Variants in ARHGEF10L observed in about 807,000 individuals in gnomAD.
ARHGEF10L encodes Rho guanine nucleotide exchange factor 10 like, also known as rho guanine nucleotide exchange factor 10-like protein.
Under a neutral mutation model 141.2 loss-of-function variants are expected in ARHGEF10L, and 69 were observed. The observed-to-expected ratio is 0.49, with a 90% CI of 0.40 to 0.60. The LOEUF is 0.60. Ranked by LOEUF, ARHGEF10L falls within the 20% of genes least tolerant of loss-of-function variation. The pLI is 0.00. For missense variants in ARHGEF10L, 1,482 were observed against 1,734.3 expected (o/e 0.85, Z 2.58); for synonymous variants, 711 against 718.5 (o/e 0.99, Z 0.17).
chr1:17,567,102 C>T lies in ARHGEF10L; in HGVS notation c.-43-13451C>T, dbSNP rs558778248. Among the ~76,000 whole-genome samples, 11 of 152,344 alleles carry T rather than the reference C, an allele frequency of 7.2e-5. No individual in the cohort carries two copies. In the South Asian group the frequency reaches 8.3e-4, roughly 11 times the overall value. On this transcript the variant is annotated intron_variant, in intron 1 of 28. Coordinates refer to ENST00000361221, the MANE Select transcript of ARHGEF10L (RefSeq NM_018125.4). The stretch of plus-strand genomic sequence containing the variant: ...TCTGACAAAGAACTGGGCCACAGGA[C>T]GACCTTGGATAGACCTGGCAAAGGC...
At chr1:17,600,207 A>G (rs560645167) in intron 4 of ARHGEF10L, among the ~76,000 whole-genome samples, 6 of 152,340 alleles carry the variant, frequency 3.9e-5, no homozygotes, top group Admixed American at 6.5e-5. Context: ...CCTGGCTCAC[A>G]GGAGGTGCTC....
chr1:17,629,763 G>T (rs375583823), intron 15 of ARHGEF10L, among the ~76,000 whole-genome samples: 1 of 152,144 alleles, frequency 6.6e-6, no homozygotes, highest in East Asian at 1.9e-4. Flanking sequence ...CTTCAGCCCC[G>T]CCATGACCAC....
At chr1:17,678,358 A>G (rs1383352860) in intron 26 of ARHGEF10L, among the ~76,000 whole-genome samples, 1 of 152,132 alleles carries the variant, frequency 6.6e-6, no homozygotes, top group Non-Finnish European at 1.5e-5. Flanking sequence ...CCCATACTTC[A>G]AGATGCTTTT....
rs1401033919 is a variant in ARHGEF10L, at chr1:17,664,542, G to A, written c.2956G>A (p.Ala986Thr). ...TLLSLEDAVWASCGPRVTVLE... is the reference protein window; with the variant it reads ...TLLSLEDAVWTSCGPRVTVLE... ...GTTGAGCCTGGAGGATGCCGTGTGGGCCAGCTGTGGGCCCCGGGTCACTGT... is the reference window on the plus strand; with the variant it reads ...GTTGAGCCTGGAGGATGCCGTGTGGACCAGCTGTGGGCCCCGGGTCACTGT... The change falls in exon 26 of 29, where the codon GCC (alanine) becomes ACC (threonine). Residue 986 changes from alanine to threonine, a missense_variant. By Grantham distance (58) the Ala-to-Thr change is moderately conservative. This residue lies in a region of ARHGEF10L where 858 missense variants were observed against 966.3 expected (regional missense o/e 0.89). Transcript: ENST00000361221. The A allele has an allele frequency of 1.2e-6, 2 of 1,607,482 alleles. No individual in the cohort carries two copies. The highest frequency in any genetic ancestry group is 4.5e-5 in the East Asian group (2 of 44,712).
intron 1 of ARHGEF10L, among the ~76,000 whole-genome samples, chr1:17,557,608 G>A (rs1364718762): frequency 2.0e-5 from 3 of 152,154 alleles, no homozygotes; most frequent in African/African-American, 4.8e-5. Flanking sequence ...CTGGGACCGC[G>A]GAATCCCCAT....
the ARHGEF10L span, among the ~76,000 whole-genome samples, chr1:17,524,346 AT>A: frequency 6.7e-6 from 1 of 149,196 alleles, no homozygotes; most frequent in East Asian, 2.0e-4. Context: ...CCTGGGCAAC[AT>A]AATAAAACCC....
intron 1 of ARHGEF10L, among the ~76,000 whole-genome samples, chr1:17,577,975 G>C (rs1478949295): frequency 6.6e-6 from 1 of 152,214 alleles, no homozygotes; most frequent in Non-Finnish European, 1.5e-5. Context: ...AAAGGGTGAA[G>C]AAAGGGGAGG....
In ARHGEF10L at chr1:17,632,318, C is replaced by T; in HGVS notation, c.1585-3C>T. The T allele has an allele frequency of 6.2e-7, 1 of 1,613,904 alleles. No individual in the cohort carries two copies. Among genetic ancestry groups the T allele is most frequent in the Non-Finnish European group, 8.5e-7 (1 of 1,180,018 alleles). ...ATGCTGACCTTCCCTGCCCCTCCTC[C>T]AGCTGTTGACCTCAGGCCAGCGGCA... On this transcript the variant is annotated splice_polypyrimidine_tract_variant and splice_region_variant and intron_variant, in intron 15 of 28. Coordinates refer to ENST00000361221, the MANE Select transcript of ARHGEF10L (RefSeq NM_018125.4).
Position 17,627,432 on chromosome 1 carries a change from C to A in ARHGEF10L, c.1513C>A (p.Arg505=), listed in dbSNP as rs553508294. Residue 505 remains arginine, a synonymous_variant, in exon 15 of 29, where the codon CGG becomes AGG. Coordinates refer to ENST00000361221, the MANE Select transcript of ARHGEF10L (RefSeq NM_018125.4). This position sits in a 1 kb window ranked among gnomAD's most constrained non-coding sequence, Gnocchi z 4.0. ...TLAEKLNEQK[R]LADQVAEIQQ... ...GGCTGAGAAGCTGAACGAGCAGAAG[C>A]GGCTGGCTGACCAGGTGGCTGAGAT... is the stretch of plus-strand genomic sequence containing the variant. The A allele has an allele frequency of 1.2e-6, 2 of 1,613,696 alleles. No homozygotes were observed. Among genetic ancestry groups the A allele is most frequent in the Non-Finnish European group, 1.7e-6 (2 of 1,180,036 alleles).
At chr1:17,679,136 G>C (rs2063916562) in intron 26 of ARHGEF10L, among the ~76,000 whole-genome samples, 2 of 152,190 alleles carry the variant, frequency 1.3e-5, no homozygotes, top group Admixed American at 1.3e-4. Flanking sequence ...AGCATCCAGT[G>C]AAGTCTCTGC....
At chr1:17,658,195 C>T (rs1306911125) in intron 25 of ARHGEF10L, among the ~76,000 whole-genome samples, 1 of 152,192 alleles carries the variant, frequency 6.6e-6, no homozygotes, top group Admixed American at 6.5e-5. Flanking sequence ...GGATTAGGGA[C>T]CTGTCCCTCT....
chr1:17,597,709 G>A (rs577106747), intron 4 of ARHGEF10L, among the ~76,000 whole-genome samples: 4 of 152,280 alleles, frequency 2.6e-5, no homozygotes, highest in African/African-American at 9.6e-5. Flanking sequence ...TGGGTAGTGG[G>A]GGTGGGCAGG....
chr1:17,680,309 G>T (rs868641309), intron 26 of ARHGEF10L, among the ~76,000 whole-genome samples: 1 of 152,222 alleles, frequency 6.6e-6, no homozygotes, highest in Non-Finnish European at 1.5e-5. Flanking sequence ...CGAGCCTTCC[G>T]GCCCCTTGGC....
intron 27 of ARHGEF10L, among the ~76,000 whole-genome samples, chr1:17,690,335 C>A (rs894613941): frequency 3.9e-5 from 6 of 152,248 alleles, no homozygotes; most frequent in Non-Finnish European, 8.8e-5. Flanking sequence ...ACCAGCTTCC[C>A]ATCCTCGGTC....
At chr1:17,521,623 T>A in the ARHGEF10L span, among the ~76,000 whole-genome samples, 1 of 151,972 alleles carries the variant, frequency 6.6e-6, no homozygotes, top group Admixed American at 6.6e-5. Context: ...CCCAATGAGG[T>A]GTTGTTGTTA....
chr1:17,546,562 C>T (rs1217007349), intron 1 of ARHGEF10L, among the ~76,000 whole-genome samples: 1 of 152,150 alleles, frequency 6.6e-6, no homozygotes, highest in Non-Finnish European at 1.5e-5. Context: ...CCCGGCAGGC[C>T]CTGAGATCTT....
chr1:17,622,055 T>G (rs1553200282), intron 11 of ARHGEF10L, 114 bp downstream of exon 11: 1 of 1,053,422 alleles, frequency 9.5e-7, no homozygotes, highest in Non-Finnish European at 1.4e-6. Context: ...GACAGGACCA[T>G]AAGCCAGCAC....
intron 23 of ARHGEF10L, among the ~76,000 whole-genome samples, chr1:17,655,663 A>T (rs1339582820): frequency 6.6e-6 from 1 of 152,254 alleles, no homozygotes; most frequent in Non-Finnish European, 1.5e-5. Flanking sequence ...TATTTAGTCC[A>T]CCTTAGCTCC....
chr1:17,556,339 A>G (rs952851533), intron 1 of ARHGEF10L, among the ~76,000 whole-genome samples: 7 of 149,494 alleles, frequency 4.7e-5, no homozygotes, highest in Non-Finnish European at 7.4e-5. Flanking sequence ...GCATGGGGGT[A>G]AGCTTGGCTC....
Sources: allele counts gnomAD v4.1 joint callset (sites outside exome capture counted in the v4.1 genomes callset), GRCh38; gene constraint gnomAD v4.1.1; regional missense constraint gnomAD v4.1.1; non-coding constraint Gnocchi (gnomAD v3.1); transcripts MANE v1.5; gene names NCBI Gene and HGNC (gene_info 2026-07-23, HGNC 2026-07-21).